Variants in PDK1 observed in about 807,000 individuals in gnomAD.
PDK1 encodes [Pyruvate dehydrogenase (acetyl-transferring)] kinase isozyme 1, mitochondrial.
Under a neutral mutation model 54.2 loss-of-function variants are expected in PDK1, and 39 were observed. That is an observed-to-expected ratio of 0.72 (90% confidence interval 0.56 to 0.94). PDK1 has a LOEUF of 0.94. PDK1 is among the 40% of genes least tolerant of loss of function. PDK1 has a pLI of 0.00. For synonymous variants in PDK1, 221 were observed against 207.1 expected, an observed-to-expected ratio of 1.07 and a Z score of -0.58; for missense variants, 552 against 566.0, an observed-to-expected ratio of 0.98 and a Z score of 0.25.
chr2:172,689,087 A>T, the PDK1 span, among the ~76,000 whole-genome samples: 1 of 152,170 alleles, frequency 6.6e-6, no homozygotes, highest in African/African-American at 2.4e-5. Context: ...GCCAGCTTTT[A>T]TTCCTGTATT....
chr2:172,591,500 A>G (rs1437827565), intron 9 of PDK1, among the ~76,000 whole-genome samples: 1 of 152,160 alleles, frequency 6.6e-6, no homozygotes, highest in Non-Finnish European at 1.5e-5. Context: ...GTAAGGATAG[A>G]TTTCGTTATT....
At chr2:172,713,340 C>A in the PDK1 span, among the ~76,000 whole-genome samples, 1 of 152,196 alleles carries the variant, frequency 6.6e-6, no homozygotes, top group Non-Finnish European at 1.5e-5. Context: ...CAGCCTGGTC[C>A]CCAGGCTTCA....
At chr2:172,616,979 T>G in the PDK1 span, among the ~76,000 whole-genome samples, 1 of 152,196 alleles carries the variant, frequency 6.6e-6, no homozygotes, top group Non-Finnish European at 1.5e-5. Flanking sequence ...GGACAGAGTC[T>G]CACTCTGTCA....
the PDK1 span, among the ~76,000 whole-genome samples, chr2:172,630,658 C>G: frequency 0.032 from 4,762 of 149,728 alleles, 122 homozygotes; most frequent in South Asian, 0.14. Flanking sequence ...GAGACAGGGC[C>G]TCATTCTGTC....
At chr2:172,670,095 C>A in the PDK1 span, among the ~76,000 whole-genome samples, 4 of 152,250 alleles carry the variant, frequency 2.6e-5, no homozygotes, top group African/African-American at 9.6e-5. Flanking sequence ...CTCTCTCAAC[C>A]AGGCTACAGT....
the PDK1 span, among the ~76,000 whole-genome samples, chr2:172,666,731 C>A: frequency 2.0e-5 from 3 of 152,026 alleles, no homozygotes; most frequent in Admixed American, 2.0e-4. Flanking sequence ...AAGGTCAGAG[C>A]AGGTGATAGA....
intron 6 of PDK1, among the ~76,000 whole-genome samples, chr2:172,568,451 C>T (rs1030075197): frequency 2.0e-5 from 3 of 151,694 alleles, no homozygotes; most frequent in Non-Finnish European, 2.9e-5. Flanking sequence ...GAAAGTTAAG[C>T]GATCTTAAAA....
the PDK1 span, among the ~76,000 whole-genome samples, chr2:172,668,906 T>TATACAG: frequency 6.7e-4 from 88 of 130,608 alleles, 2 homozygotes; most frequent in East Asian, 0.014. Context: ...TATATATATA[T>TATACAG]AGAGAGAGAG....
At chr2:172,678,966 C>T in the PDK1 span, 1 of 152,182 alleles carries the variant, frequency 6.6e-6, no homozygotes, top group Non-Finnish European at 1.5e-5. Context: ...AAATATAGCT[C>T]TAGAGCTTAG....
chr2:172,614,172 ACCCC>A, the PDK1 span, among the ~76,000 whole-genome samples: 4,670 of 133,420 alleles, frequency 0.035, 117 homozygotes, highest in South Asian at 0.14. Context: ...CCCAGGAAGG[ACCCC>A]CCCCCCCAAC....
chr2:172,667,198 A>T, the PDK1 span, among the ~76,000 whole-genome samples: 2 of 152,206 alleles, frequency 1.3e-5, no homozygotes, highest in African/African-American at 4.8e-5. Context: ...AAACAGAAGC[A>T]GGACCTCTAG....
chr2:172,651,793 C>T, the PDK1 span, among the ~76,000 whole-genome samples: 1 of 152,076 alleles, frequency 6.6e-6, no homozygotes, highest in Non-Finnish European at 1.5e-5. Flanking sequence ...CTGAATAGAC[C>T]AATAACAGGT....
chr2:172,702,227 A>G, the PDK1 span, among the ~76,000 whole-genome samples: 1 of 152,162 alleles, frequency 6.6e-6, no homozygotes, highest in Non-Finnish European at 1.5e-5. Flanking sequence ...CTGTAATCCC[A>G]GCACTTTGGG....
the PDK1 span, among the ~76,000 whole-genome samples, chr2:172,668,842 TAC>T: frequency 0.019 from 2,740 of 145,896 alleles, 47 homozygotes; most frequent in South Asian, 0.025. Flanking sequence ...TGTATGTATA[TAC>T]ACACACACAC....
the PDK1 span, among the ~76,000 whole-genome samples, chr2:172,678,099 G>A: frequency 6.6e-6 from 1 of 152,142 alleles, no homozygotes; most frequent in Non-Finnish European, 1.5e-5. Flanking sequence ...GAACCCAGAA[G>A]ACGGAGGTTG....
intron 8 of PDK1, 86 bp downstream of exon 8, chr2:172,570,910 T>A (rs774721587): frequency 1.4e-6 from 1 of 724,294 alleles, no homozygotes; most frequent in Non-Finnish European, 2.3e-6. Context: ...GCATAATTTC[T>A]AAAAGACATA....
At chr2:172,609,079 A>G (rs16860730), downstream of PDK1, among the ~76,000 whole-genome samples, 1,366 of 152,332 alleles carry the variant, frequency 9.0e-3, 29 homozygotes, top group African/African-American at 0.032. Flanking sequence ...GACAGTTAAT[A>G]ATGGACACTT....
At chr2:172,621,890 ATATGTATGATATATGTTTATATCTCC>A in the PDK1 span, among the ~76,000 whole-genome samples, 1 of 128,684 alleles carries the variant, frequency 7.8e-6, no homozygotes, top group East Asian at 2.4e-4. Context: ...TTTATATCTC[ATATGTATGATATATGTTTATATCTCC>A]TATATGATAT....
chr2:172,693,159 C>T, the PDK1 span, among the ~76,000 whole-genome samples: 1 of 152,240 alleles, frequency 6.6e-6, no homozygotes, highest in East Asian at 1.9e-4. Flanking sequence ...GTGGCTAGCT[C>T]AGCCCCATCT....
Sources: allele counts gnomAD v4.1 joint callset (sites outside exome capture counted in the v4.1 genomes callset), GRCh38; gene constraint gnomAD v4.1.1; transcripts MANE v1.5; gene names NCBI Gene and HGNC (gene_info 2026-07-23, HGNC 2026-07-21).